ATG7: variants seen among roughly 807,000 people sequenced by gnomAD.
ATG7 encodes autophagy related 7, also known as ubiquitin-like modifier-activating enzyme ATG7.
Under a neutral mutation model 82.4 loss-of-function variants are expected in ATG7, and 70 were observed. The ratio of observed to expected loss-of-function variants is 0.85; its 90% CI spans 0.70 to 1.04. The LOEUF (loss-of-function observed/expected upper bound fraction) is 1.04, where lower values mean the gene tolerates loss of function less well. Among genes scored for constraint, ATG7 ranks in the 50% least tolerant of loss-of-function variants. The probability of loss-of-function intolerance (pLI) is 0.00; values close to 1 mark genes in which losing one functional copy is unlikely to be tolerated. For missense variants in ATG7, 792 were observed against 864.3 expected (o/e 0.92, Z 1.05); for synonymous variants, 287 against 313.0 (o/e 0.92, Z 0.88).
chr3:11,313,277 A>G (rs763673542), intron 7 of ATG7, 27 bp from the exon 8 acceptor site: 5 of 1,467,750 alleles, frequency 3.4e-6, no homozygotes, highest in Non-Finnish European at 2.8e-6. Flanking sequence ...TGCTATTCTA[A>G]TAACTTATTT....
intron 19 of ATG7, among the ~76,000 whole-genome samples, chr3:11,417,800 A>ATTTTTTTTTTTTTTTTTT (rs1314378737): frequency 2.7e-5 from 3 of 109,368 alleles, no homozygotes; most frequent in African/African-American, 6.5e-5. Flanking sequence ...TATTATTATT[A>ATTTTTTTTTTTTTTTTTT]TTTTATTTTA....
intron 20 of ATG7, among the ~76,000 whole-genome samples, chr3:11,445,263 T>C (rs1232982381): frequency 6.6e-6 from 1 of 152,218 alleles, no homozygotes. Flanking sequence ...AGATGTTCAC[T>C]GCAGCACTAT....
rs1178295910 is a variant in ATG7, at chr3:11,505,304, G to A, written c.2080-49507G>A. ...GTGTTCGCGCAGGTAGAGAAAAGAA[G>A]ACTAGCGGTAAGCCAGGTGTATCCT... On this transcript the variant is annotated intron_variant, in intron 20 of 20. Transcript: ENST00000693202. Among the ~76,000 whole-genome samples, 3 of 152,184 alleles carry A rather than the reference G, an allele frequency of 2.0e-5. No individual in the cohort carries two copies. The East Asian group carries it at 5.8e-4, about 29-fold the overall frequency.
chr3:11,361,355 G>A (rs759396527), intron 16 of ATG7, among the ~76,000 whole-genome samples: 21 of 151,534 alleles, frequency 1.4e-4, no homozygotes, highest in Non-Finnish European at 2.4e-4. Flanking sequence ...CACAATCTCG[G>A]CTCCCTGCAA....
chr3:11,510,076 C>T (rs530874748), intron 20 of ATG7: 15 of 347,576 alleles, frequency 4.3e-5, no homozygotes, highest in East Asian at 1.7e-4. Flanking sequence ...TTATTCTGCC[C>T]GCCCATCTTC....
chr3:11,564,584 G>A, the ATG7 span, among the ~76,000 whole-genome samples: 1 of 150,084 alleles, frequency 6.7e-6, no homozygotes, highest in African/African-American at 2.5e-5. Flanking sequence ...GGGCAGGTCT[G>A]GGCAGGAAGT....
At chr3:11,322,952 A>C (rs536455776) in intron 9 of ATG7, among the ~76,000 whole-genome samples, 4 of 152,344 alleles carry the variant, frequency 2.6e-5, no homozygotes, top group African/African-American at 9.6e-5. Flanking sequence ...TTTAAAAATT[A>C]GCTAGGTGTG....
intron 20 of ATG7, among the ~76,000 whole-genome samples, chr3:11,539,000 A>G (rs931632285): frequency 6.6e-5 from 10 of 151,088 alleles, no homozygotes; most frequent in Non-Finnish European, 1.5e-5. Flanking sequence ...GCTTCTTGCT[A>G]TTTTCAATGT....
chr3:11,317,584 C>CTTTTTTT (rs370026914), intron 9 of ATG7, among the ~76,000 whole-genome samples: 554 of 114,344 alleles, frequency 4.8e-3, no homozygotes, highest in Non-Finnish European at 5.8e-3. Flanking sequence ...TTCTTTCTTT[C>CTTTTTTT]TTTTTTTTTT....
chr3:11,559,444 G>T, downstream of ATG7: 1 of 1,565,386 alleles, frequency 6.4e-7, no homozygotes, highest in Non-Finnish European at 8.7e-7. Flanking sequence ...AGGTGATCAC[G>T]GAGGGCCGGT....
intron 20 of ATG7, among the ~76,000 whole-genome samples, chr3:11,500,462 C>G (rs545494059): frequency 6.7e-6 from 1 of 149,342 alleles, no homozygotes; most frequent in East Asian, 2.0e-4. Context: ...CTAAAAAATA[C>G]AAATTAAAAG....
chr3:11,292,974 T>G (rs1042028035), intron 3 of ATG7, among the ~76,000 whole-genome samples: 1 of 152,196 alleles, frequency 6.6e-6, no homozygotes, highest in African/African-American at 2.4e-5. Flanking sequence ...ATTAGTGCTT[T>G]ATTGCGTTGA....
chr3:11,568,880 CA>C, the ATG7 span: 3 of 1,342,108 alleles, frequency 2.2e-6, no homozygotes, highest in Non-Finnish European at 2.9e-6. The surrounding 1 kb of genome is among the most constrained non-coding windows in gnomAD (Gnocchi z 5.9). Flanking sequence ...GGCTGCACGG[CA>C]CCCGGCCCCG....
At chr3:11,454,602 C>T (rs988063117) in intron 20 of ATG7, among the ~76,000 whole-genome samples, 4 of 152,264 alleles carry the variant, frequency 2.6e-5, no homozygotes, top group East Asian at 3.9e-4. Context: ...ACCATTATCC[C>T]GGTCTTTCTG....
intron 20 of ATG7, among the ~76,000 whole-genome samples, chr3:11,478,989 A>C (rs1276454605): frequency 1.4e-5 from 1 of 73,134 alleles, no homozygotes; most frequent in East Asian, 4.7e-4. Flanking sequence ...GTATATTTAC[A>C]ACACACACAC....
intron 20 of ATG7, among the ~76,000 whole-genome samples, chr3:11,473,053 A>G (rs1457960367): frequency 6.6e-6 from 1 of 152,080 alleles, no homozygotes; most frequent in Non-Finnish European, 1.5e-5. Context: ...TGCTTCTGCT[A>G]TTAGGTGACT....
At chr3:11,565,900 C>G in the ATG7 span, among the ~76,000 whole-genome samples, 1 of 152,204 alleles carries the variant, frequency 6.6e-6, no homozygotes, top group African/African-American at 2.4e-5. The surrounding 1 kb of genome is among the most constrained non-coding windows in gnomAD (Gnocchi z 4.1). Context: ...TCCCACAGTT[C>G]CATCTGCCTT....
intron 20 of ATG7, among the ~76,000 whole-genome samples, chr3:11,498,974 G>C (rs907585863): frequency 6.6e-6 from 1 of 152,116 alleles, no homozygotes; most frequent in Admixed American, 6.5e-5. Context: ...AACCTGCTTG[G>C]TCCCTGGTGC....
At chr3:11,442,545 G>A (rs2084080455) in intron 20 of ATG7, among the ~76,000 whole-genome samples, 1 of 151,638 alleles carries the variant, frequency 6.6e-6, no homozygotes, top group Admixed American at 6.6e-5. Context: ...GTATTAAATG[G>A]ATATTATTAG....
Sources: allele counts gnomAD v4.1 joint callset (sites outside exome capture counted in the v4.1 genomes callset), GRCh38; gene constraint gnomAD v4.1.1; non-coding constraint Gnocchi (gnomAD v3.1); transcripts MANE v1.5; gene names NCBI Gene and HGNC (gene_info 2026-07-23, HGNC 2026-07-21).